CDH12: variants seen among roughly 807,000 people sequenced by gnomAD.
CDH12 encodes the protein cadherin 12.
Under a neutral mutation model 74.1 loss-of-function variants are expected in CDH12, and 41 were observed. The ratio of observed to expected loss-of-function variants is 0.55; its 90% confidence interval spans 0.43 to 0.72. CDH12 has a LOEUF of 0.72. Among genes scored for constraint, CDH12 ranks in the 30% least tolerant of loss-of-function variants. The pLI is 0.00. For synonymous variants in CDH12, 399 were observed against 355.0 expected (o/e 1.12, Z -1.39); for missense variants, 945 against 977.2 (o/e 0.97, Z 0.44).
intron 4 of CDH12, among the ~76,000 whole-genome samples, chr5:22,114,405 T>C (rs6884173): frequency 0.47 from 71,211 of 150,674 alleles, 16,897 homozygotes; most frequent in Middle Eastern, 0.52. Context: ...CCCTTGATGA[T>C]TCCTTTAGAG....
intron 1 of CDH12, among the ~76,000 whole-genome samples, chr5:22,653,716 C>T (rs1167733377): frequency 6.6e-6 from 1 of 152,188 alleles, no homozygotes; most frequent in Non-Finnish European, 1.5e-5. Flanking sequence ...CAGAAGCCTG[C>T]TTCTAATCCT....
intron 5 of CDH12, among the ~76,000 whole-genome samples, chr5:21,982,609 T>G (rs921644898): frequency 6.6e-6 from 1 of 151,846 alleles, no homozygotes; most frequent in Admixed American, 6.6e-5. Context: ...AATATCTCTA[T>G]ATCTATAATC....
At chr5:21,968,995 AG>A (rs1756712791) in intron 6 of CDH12, among the ~76,000 whole-genome samples, 1 of 151,460 alleles carries the variant, frequency 6.6e-6, no homozygotes, top group South Asian at 2.1e-4. Context: ...GAGGGTAGGG[AG>A]GGGGAGCATT....
rs75059182 is a variant in CDH12 at position 22,575,030 on chromosome 5, A to T, written c.-522-69666T>A. ...GGTTTCTGCATCTGTAAAATTCTGA[A>T]GAAAATTTTATGTTCATTCATAATG... On this transcript the variant is annotated intron_variant, in intron 1 of 14. Coordinates refer to ENST00000382254, the MANE Select transcript of CDH12 (RefSeq NM_004061.5). Among the ~76,000 whole-genome samples the T allele has an allele frequency of 1.7e-3, 254 of 152,296 alleles. 3 individuals are homozygous for T. The East Asian group carries it at 0.045, about 27-fold the overall frequency.
chr5:22,779,320 A>G (rs1747270837), intron 1 of CDH12, among the ~76,000 whole-genome samples: 1 of 151,698 alleles, frequency 6.6e-6, no homozygotes, highest in Admixed American at 6.6e-5. Flanking sequence ...ATAAACAAAT[A>G]CATTTCACAA....
intron 4 of CDH12, among the ~76,000 whole-genome samples, chr5:22,177,229 T>C (rs1381725653): frequency 6.6e-6 from 1 of 152,162 alleles, no homozygotes. Flanking sequence ...CCCATGATTA[T>C]TTTATGGTGA....
rs1262689023 is a variant in CDH12, at chr5:21,854,846, T to C, written c.527-56A>G. 3 of 1,544,460 alleles carry C rather than the reference T, an allele frequency of 1.9e-6. No homozygotes were observed. In the African/African-American group the frequency reaches 4.1e-5, roughly 21 times the overall value. The stretch of plus-strand genomic sequence containing the variant: ...TTTTGTTTTACTACTTTCAAGGTCA[T>C]GACTCTTATCTGCTGGACTCGATTT... On this transcript the variant is annotated intron_variant, in intron 6 of 14. Coordinates refer to ENST00000382254, the MANE Select transcript of CDH12 (RefSeq NM_004061.5).
intron 4 of CDH12, among the ~76,000 whole-genome samples, chr5:22,204,252 C>T (rs537699960): frequency 2.2e-4 from 33 of 151,438 alleles, no homozygotes; most frequent in Middle Eastern, 3.4e-3. Context: ...AGCTCCGCCT[C>T]GGGGTTCACG....
At chr5:22,578,905 G>A (rs554740445) in intron 1 of CDH12, among the ~76,000 whole-genome samples, 56 of 152,132 alleles carry the variant, frequency 3.7e-4, no homozygotes, top group Admixed American at 1.4e-3. Context: ...TTATAGTTTC[G>A]TTTTTCCCCT....
At chr5:22,547,323 G>A (rs1738377758) in intron 1 of CDH12, among the ~76,000 whole-genome samples, 1 of 152,104 alleles carries the variant, frequency 6.6e-6, no homozygotes. Flanking sequence ...TGAGAGACAT[G>A]GGTAAGTATC....
At chr5:22,693,809 C>T (rs1473408857) in intron 1 of CDH12, among the ~76,000 whole-genome samples, 2 of 151,814 alleles carry the variant, frequency 1.3e-5, no homozygotes, top group African/African-American at 2.4e-5. Flanking sequence ...GGAGTATTTA[C>T]TTTCTTATAA....
intron 1 of CDH12, among the ~76,000 whole-genome samples, chr5:22,767,081 T>G (rs1197973270): frequency 6.6e-6 from 1 of 152,066 alleles, no homozygotes; most frequent in Non-Finnish European, 1.5e-5. Flanking sequence ...TATTTGACTA[T>G]GATTAGAATG....
At chr5:22,163,596 T>A (rs1355269356) in intron 4 of CDH12, among the ~76,000 whole-genome samples, 4 of 152,162 alleles carry the variant, frequency 2.6e-5, no homozygotes, top group Non-Finnish European at 5.9e-5. Context: ...CTGCCCCAAA[T>A]ATTCATAATT....
intron 1 of CDH12, among the ~76,000 whole-genome samples, chr5:22,766,989 A>C (rs1746547358): frequency 6.6e-6 from 1 of 152,064 alleles, no homozygotes; most frequent in Admixed American, 6.6e-5. Context: ...GGTGGTAGGT[A>C]CACAGTAATC....
chr5:22,807,469 G>C (rs978313220), intron 1 of CDH12, among the ~76,000 whole-genome samples: 2 of 152,166 alleles, frequency 1.3e-5, no homozygotes, highest in Middle Eastern at 6.8e-3. Context: ...AATCTTAATA[G>C]ACTAAAAGAT....
At position 22,736,567 on chromosome 5, in the gene CDH12, T is replaced by C. The variant is rs542082504; in HGVS notation, c.-523+116491A>G. 2.8e-3 allele frequency among the ~76,000 whole-genome samples: 433 copies of C among 151,992 alleles called. 2 individuals carry two copies. The highest frequency in any genetic ancestry group is 7.4e-3 in the Admixed American group (112 of 15,214). ...GTCTGTTAGAGTCAGCGTTTTTTTT[T>C]ACTTGAAAATTTATTTTAATTGAGG... On this transcript the variant is annotated intron_variant, in intron 1 of 14. Transcript: ENST00000382254.
intron 5 of CDH12, among the ~76,000 whole-genome samples, chr5:22,041,367 A>C (rs1295925061): frequency 6.6e-6 from 1 of 152,136 alleles, no homozygotes; most frequent in African/African-American, 2.4e-5. Context: ...TCCAATCAAA[A>C]AAGTAGAATG....
chr5:22,344,723 T>C (rs1205782856), intron 3 of CDH12, among the ~76,000 whole-genome samples: 2 of 152,210 alleles, frequency 1.3e-5, no homozygotes. Context: ...GAAAGCAATA[T>C]GTATTTTCCA....
chr5:22,638,291 A>T (rs570962398), intron 1 of CDH12, among the ~76,000 whole-genome samples: 1 of 152,202 alleles, frequency 6.6e-6, no homozygotes, highest in Non-Finnish European at 1.5e-5. Flanking sequence ...AAACCTCAAA[A>T]GTAGGGAAGC....
Sources: allele counts gnomAD v4.1 joint callset (sites outside exome capture counted in the v4.1 genomes callset), GRCh38; gene constraint gnomAD v4.1.1; transcripts MANE v1.5; gene names NCBI Gene and HGNC (gene_info 2026-07-23, HGNC 2026-07-21).